The following GALNT13 variants were observed in gnomAD, a reference collection of about 807,000 sequenced individuals.
GALNT13 encodes the protein UDP-GalNAc:polypeptide N-acetylgalactosaminyltransferase 13.
In GALNT13, 28 loss-of-function variants were observed where a neutral mutation model predicts 64.2. The ratio of observed to expected loss-of-function variants is 0.44; its 90% confidence interval spans 0.32 to 0.60. The LOEUF (loss-of-function observed/expected upper bound fraction) is 0.60. Ranked by LOEUF, GALNT13 falls within the 20% of genes least tolerant of loss-of-function variation. The pLI is 0.05. For synonymous variants in GALNT13, 214 were observed against 224.6 expected (o/e 0.95, Z 0.42); for missense variants, 577 against 669.8 (o/e 0.86, Z 1.53).
chr2:154,062,426 C>G (rs1307826457), intron 3 of GALNT13, among the ~76,000 whole-genome samples: 2 of 152,166 alleles, frequency 1.3e-5, no homozygotes, highest in East Asian at 3.9e-4. Flanking sequence ...TTAGTCTGTT[C>G]TCACTCTGCT....
rs139395579 is a variant in GALNT13 at position 154,378,985 on chromosome 2, T to C, written c.1157-17006T>C. 4.9e-3 allele frequency among the ~76,000 whole-genome samples: 744 copies of C among 152,150 alleles called. 7 individuals carry two copies. The highest frequency in any genetic ancestry group is 0.017 in the African/African-American group (698 of 41,552). ...TGACTTTAAAATGTTTCAGGCCCAG[T>C]CTCAAGGAAATTTCCTGTTACAGTA... is the stretch of plus-strand genomic sequence containing the variant. On this transcript the variant is annotated intron_variant, in intron 9 of 12. Transcript: ENST00000392825.
At chr2:154,189,815 T>C (rs1686472723) in intron 4 of GALNT13, among the ~76,000 whole-genome samples, 1 of 152,136 alleles carries the variant, frequency 6.6e-6, no homozygotes, top group Non-Finnish European at 1.5e-5. Flanking sequence ...GGATTAGTAA[T>C]AAGTAAAGCT....
At chr2:153,809,735 T>G in the GALNT13 span, among the ~76,000 whole-genome samples, 1 of 152,178 alleles carries the variant, frequency 6.6e-6, no homozygotes. Context: ...ATAACCAATA[T>G]TATGTACTAC....
In GALNT13 at chr2:154,451,320, T is replaced by C. The variant is rs707082; in HGVS notation, c.*769T>C. On this transcript the variant is annotated 3_prime_UTR_variant, in exon 13 of 13. Coordinates refer to ENST00000392825, the MANE Select transcript of GALNT13 (RefSeq NM_052917.4). Reference sequence around the variant, plus strand: ...GGCTGAAACTAAACAATCTTGCTCCTAGAGTTTATGTTGGATACTCAATTC... The same window carrying C: ...GGCTGAAACTAAACAATCTTGCTCCCAGAGTTTATGTTGGATACTCAATTC... 0.82 allele frequency: 124,751 copies of C among 152,012 alleles called. 52,170 individuals carry two copies. Among genetic ancestry groups the C allele is most frequent in the Non-Finnish European group, 0.9 (61,383 of 68,000 alleles). The allele number at this position is 152,012 out of a possible 1,614,324, so 9.4% of individuals were successfully genotyped here. A position where few individuals can be genotyped will look rare whatever the true frequency, so the allele number is the denominator to read the frequency against.
chr2:153,825,183 C>A, the GALNT13 span, among the ~76,000 whole-genome samples: 1 of 152,130 alleles, frequency 6.6e-6, no homozygotes, highest in Non-Finnish European at 1.5e-5. Context: ...CTATGCGACT[C>A]ACATCAGTGG....
chr2:154,307,832 C>T (rs16836444), intron 9 of GALNT13, among the ~76,000 whole-genome samples: 3,169 of 152,254 alleles, frequency 0.021, 88 homozygotes, highest in African/African-American at 0.065. Context: ...CTGCTCTTCA[C>T]AGAATACCAC....
At chr2:154,310,165 T>A (rs1393311770) in intron 9 of GALNT13, among the ~76,000 whole-genome samples, 2 of 152,212 alleles carry the variant, frequency 1.3e-5, no homozygotes, top group Non-Finnish European at 2.9e-5. Context: ...CCCCAGGGAC[T>A]CCAGTGGTTC....
At chr2:154,313,880 T>TTG (rs1694190615) in intron 9 of GALNT13, among the ~76,000 whole-genome samples, 1 of 152,074 alleles carries the variant, frequency 6.6e-6, no homozygotes, top group African/African-American at 2.4e-5. Context: ...CATTTTTTTT[T>TTG]GTATATGCAA....
At chr2:154,138,058 C>T (rs1314128531) in intron 3 of GALNT13, among the ~76,000 whole-genome samples, 1 of 151,982 alleles carries the variant, frequency 6.6e-6, no homozygotes, top group Non-Finnish European at 1.5e-5. Context: ...CCTATGCAAA[C>T]AAGCTTACTA....
chr2:153,409,346 T>G, the GALNT13 span, among the ~76,000 whole-genome samples: 3 of 144,266 alleles, frequency 2.1e-5, no homozygotes, highest in Non-Finnish European at 4.6e-5. Context: ...ATGTATATAT[T>G]CATATGTATA....
intron 3 of GALNT13, among the ~76,000 whole-genome samples, chr2:153,995,685 G>C (rs1400562257): frequency 6.6e-6 from 1 of 151,984 alleles, no homozygotes; most frequent in African/African-American, 2.4e-5. Flanking sequence ...TAACTTTCAA[G>C]ATTTTTTGTC....
At chr2:153,293,257 G>A in the GALNT13 span, among the ~76,000 whole-genome samples, 2 of 152,116 alleles carry the variant, frequency 1.3e-5, no homozygotes, top group African/African-American at 4.8e-5. Context: ...TTGCAGACCT[G>A]AGTAAGGACC....
At chr2:153,838,228 T>C in the GALNT13 span, among the ~76,000 whole-genome samples, 1 of 152,170 alleles carries the variant, frequency 6.6e-6, no homozygotes. Context: ...TTTTTCCCTT[T>C]CCTCTGCAGA....
chr2:154,324,249 T>C (rs1454925829), intron 9 of GALNT13, among the ~76,000 whole-genome samples: 1 of 152,094 alleles, frequency 6.6e-6, no homozygotes, highest in African/African-American at 2.4e-5. Flanking sequence ...TTTTAAATTA[T>C]TTTAACATTT....
the GALNT13 span, among the ~76,000 whole-genome samples, chr2:153,547,765 C>G: frequency 6.6e-6 from 1 of 152,038 alleles, no homozygotes; most frequent in Non-Finnish European, 1.5e-5. Flanking sequence ...TATTACTGGG[C>G]AAGATAAGAT....
At chr2:153,184,983 A>C in the GALNT13 span, among the ~76,000 whole-genome samples, 9 of 152,180 alleles carry the variant, frequency 5.9e-5, no homozygotes, top group Admixed American at 1.3e-4. Context: ...TCATCAAATG[A>C]GTTAAGGAAG....
chr2:154,173,350 TTTAATTAA>T (rs769450076), intron 4 of GALNT13, among the ~76,000 whole-genome samples: 2 of 151,456 alleles, frequency 1.3e-5, no homozygotes, highest in African/African-American at 4.8e-5. Flanking sequence ...TTTAATTAAA[TTTAATTAA>T]TTAAATTTAA....
chr2:153,753,876 A>G, the GALNT13 span, among the ~76,000 whole-genome samples: 4 of 152,312 alleles, frequency 2.6e-5, 1 homozygote, highest in East Asian at 7.7e-4. Flanking sequence ...AACCTTAAAC[A>G]TTTACCTGGC....
chr2:153,890,768 C>T (rs964783326), intron 1 of GALNT13, among the ~76,000 whole-genome samples: 4 of 151,998 alleles, frequency 2.6e-5, no homozygotes, highest in South Asian at 4.1e-4. Flanking sequence ...CACATCACTC[C>T]TGTGACATGC....
Sources: allele counts gnomAD v4.1 joint callset (sites outside exome capture counted in the v4.1 genomes callset), GRCh38; gene constraint gnomAD v4.1.1; transcripts MANE v1.5; gene names NCBI Gene and HGNC (gene_info 2026-07-23, HGNC 2026-07-21).